Variants in COPG2 observed in about 807,000 individuals in gnomAD.
COPG2 encodes the protein coatomer subunit gamma-2.
Under a neutral mutation model 46.3 loss-of-function variants are expected in COPG2, and 37 were observed. The ratio of observed to expected loss-of-function variants is 0.80; its 90% CI spans 0.61 to 1.05. COPG2 has a LOEUF of 1.05. Among genes scored for constraint, COPG2 ranks in the 50% least tolerant of loss-of-function variants. COPG2 has a pLI of 0.00. For synonymous variants in COPG2, 159 were observed against 129.7 expected (o/e 1.23, Z -1.53); for missense variants, 427 against 387.8 (o/e 1.10, Z -0.85).
At position 130,667,393 on chromosome 7, in the gene COPG2, T is replaced by C. The variant is rs1738234031; in HGVS notation, c.90+89A>G. 15 of 1,008,284 alleles carry C rather than the reference T, an allele frequency of 1.5e-5. No individual in the cohort carries two copies. The South Asian group carries it at 1.8e-4, about 12-fold the overall frequency. The allele number at this position is 1,008,284 out of a possible 1,614,324, so 62.5% of individuals were successfully genotyped here. On this transcript the variant is annotated intron_variant, in intron 2 of 23. Coordinates refer to ENST00000425248, the MANE Select transcript of COPG2 (RefSeq NM_012133.6). ...ACTCTGTTACGTTTCTTGTTTTGCA[T>C]GTCGTGATCACAGCAGCCCAGGGAT... is the stretch of plus-strand genomic sequence containing the variant.
intron 5 of COPG2, among the ~76,000 whole-genome samples, chr7:130,634,353 G>A (rs1451221833): frequency 6.6e-6 from 1 of 152,176 alleles, no homozygotes; most frequent in Non-Finnish European, 1.5e-5. Flanking sequence ...CTATCCATGA[G>A]CATGGAATGT....
chr7:130,663,245 A>G (rs371233857), intron 3 of COPG2, among the ~76,000 whole-genome samples: 45 of 152,276 alleles, frequency 3.0e-4, no homozygotes, highest in African/African-American at 9.1e-4. Context: ...ATTTAAAATA[A>G]TTCAGTATCG....
chr7:130,638,471 G>A (rs1036153602), intron 5 of COPG2, among the ~76,000 whole-genome samples: 5 of 152,294 alleles, frequency 3.3e-5, no homozygotes, highest in South Asian at 4.1e-4. Flanking sequence ...AGGCTTTGCC[G>A]AGCTGCAGTG....
At chr7:130,623,962 A>G (rs182831741) in intron 5 of COPG2, among the ~76,000 whole-genome samples, 2 of 151,314 alleles carry the variant, frequency 1.3e-5, no homozygotes, top group Non-Finnish European at 2.9e-5. Context: ...TAGGTTTCTT[A>G]TAAACAATAA....
At chr7:130,513,334 T>C (rs1467748975) in intron 20 of COPG2, among the ~76,000 whole-genome samples, 7 of 80,380 alleles carry the variant, frequency 8.7e-5, no homozygotes, top group African/African-American at 2.8e-4. Flanking sequence ...TATATATATA[T>C]ATATATATGT....
chr7:130,668,093 C>T (rs1397068193), intron 1 of COPG2, among the ~76,000 whole-genome samples: 1 of 152,190 alleles, frequency 6.6e-6, no homozygotes, highest in East Asian at 1.9e-4. Context: ...AGACGCAGGT[C>T]ACTTCTGGAC....
chr7:130,566,034 C>A (rs1337811179), intron 9 of COPG2, among the ~76,000 whole-genome samples: 1 of 152,046 alleles, frequency 6.6e-6, no homozygotes, highest in Non-Finnish European at 1.5e-5. Context: ...TAAGAAGAAA[C>A]CATGGCTGAA....
At position 130,666,973 on chromosome 7, in the gene COPG2, T is replaced by C. The variant is rs377640113; in HGVS notation, c.91-44A>G. The C allele has an allele frequency of 7.9e-5, 79 of 1,003,398 alleles. No homozygotes were observed. The African/African-American group carries it at 1.1e-3, about 13-fold the overall frequency. 62.2% of individuals were successfully genotyped at this position (1,003,398 alleles called of 1,614,324 possible). A position where few individuals can be genotyped will look rare whatever the true frequency, so the allele number is the denominator to read the frequency against. On this transcript the variant is annotated intron_variant, in intron 2 of 23. Transcript: ENST00000425248. Reference sequence around the variant, plus strand: ...AACATTGCTACTTTTCTACCTTTTCTATCACAGATTATAGCAAATCAACTT... The same window carrying C: ...AACATTGCTACTTTTCTACCTTTTCCATCACAGATTATAGCAAATCAACTT...
chr7:130,638,174 G>C (rs1183453974), intron 5 of COPG2, among the ~76,000 whole-genome samples: 1 of 152,170 alleles, frequency 6.6e-6, no homozygotes, highest in Middle Eastern at 3.2e-3. Context: ...CCTGCTGGGA[G>C]GTATCTCCCA....
At chr7:130,592,551 A>G (rs1163135958) in intron 9 of COPG2, among the ~76,000 whole-genome samples, 2 of 152,192 alleles carry the variant, frequency 1.3e-5, no homozygotes, top group Non-Finnish European at 2.9e-5. Flanking sequence ...ATTAAAAACA[A>G]ATCTATTCAT....
At position 130,641,828 on chromosome 7, in the gene COPG2, G is replaced by T. The variant is rs150745625; in HGVS notation, c.323+11041C>A. Among the ~76,000 whole-genome samples the T allele has an allele frequency of 5.9e-5, 9 of 152,194 alleles. No homozygotes were observed. In the East Asian group the frequency reaches 1.7e-3, roughly 29 times the overall value. ...ATTTAGTTTCCTTAGGAAGCACAAA[G>T]TATCTTTCTCCCCCTACCCGAATCC... On this transcript the variant is annotated intron_variant, in intron 5 of 23. Coordinates refer to ENST00000425248, the MANE Select transcript of COPG2 (RefSeq NM_012133.6).
At chr7:130,557,884 T>G (rs1398554085) in intron 12 of COPG2, among the ~76,000 whole-genome samples, 2 of 124,380 alleles carry the variant, frequency 1.6e-5, no homozygotes, top group Non-Finnish European at 3.4e-5. Context: ...AGAACTATGA[T>G]GGAGGGCTAA....
At chr7:130,658,170 AAC>A (rs1185216731) in intron 4 of COPG2, among the ~76,000 whole-genome samples, 3 of 152,352 alleles carry the variant, frequency 2.0e-5, no homozygotes, top group African/African-American at 7.2e-5. Flanking sequence ...CAAACAGATA[AAC>A]AGAGGTACAT....
rs1681338514 is a variant in COPG2, at chr7:130,668,700, G to A, written c.-32C>T. 6 of 1,518,374 alleles carry A rather than the reference G, an allele frequency of 4.0e-6. No individual in the cohort carries two copies. The highest frequency in any genetic ancestry group is 3.7e-5 in the South Asian group (3 of 80,124). The allele number at this position is 1,518,374 out of a possible 1,614,324, so 94.1% of individuals were successfully genotyped here. The stretch of plus-strand genomic sequence containing the variant: ...CGACTTCCCAGCGCCCAGACCCACC[G>A]CAACCGTCCCAGGCGCCGCAGCCGG... On this transcript the variant is annotated 5_prime_UTR_variant, in exon 1 of 24. Coordinates refer to ENST00000425248, the MANE Select transcript of COPG2 (RefSeq NM_012133.6).
chr7:130,517,180 G>C (rs991934973), intron 20 of COPG2, among the ~76,000 whole-genome samples: 1 of 152,176 alleles, frequency 6.6e-6, no homozygotes, highest in Non-Finnish European at 1.5e-5. Flanking sequence ...GGTATTGACT[G>C]GGGGGTAAAG....
chr7:130,520,524 C>T (rs1799715470), intron 20 of COPG2, among the ~76,000 whole-genome samples: 3 of 152,324 alleles, frequency 2.0e-5, no homozygotes, highest in Admixed American at 6.5e-5. Flanking sequence ...ATATACATCT[C>T]ACCATGTACT....
chr7:130,549,760 T>C (rs1793505846), intron 17 of COPG2, among the ~76,000 whole-genome samples: 1 of 152,248 alleles, frequency 6.6e-6, no homozygotes, highest in African/African-American at 2.4e-5. Flanking sequence ...TTCCCAGTTT[T>C]GTGTTCTAAC....
At chr7:130,597,020 A>T (rs1554449782) in intron 9 of COPG2, among the ~76,000 whole-genome samples, 1 of 152,212 alleles carries the variant, frequency 6.6e-6, no homozygotes, top group Non-Finnish European at 1.5e-5. Flanking sequence ...ACAAGCCTTC[A>T]CGGCTCTTTA....
At chr7:130,624,301 T>C (rs1795082929) in intron 5 of COPG2, among the ~76,000 whole-genome samples, 1 of 152,246 alleles carries the variant, frequency 6.6e-6, no homozygotes. Flanking sequence ...CTAAGTTTTG[T>C]ACATTTATTG....
Sources: allele counts gnomAD v4.1 joint callset (sites outside exome capture counted in the v4.1 genomes callset), GRCh38; gene constraint gnomAD v4.1.1; transcripts MANE v1.5; gene names NCBI Gene and HGNC (gene_info 2026-07-23, HGNC 2026-07-21).